Variants in DNMT1 observed in about 807,000 individuals in gnomAD.
DNMT1 encodes DNA methyltransferase 1.
Under a neutral mutation model 205.3 loss-of-function variants are expected in DNMT1, and 24 were observed. That is an observed-to-expected ratio of 0.12 (90% CI 0.08 to 0.16). DNMT1 has a LOEUF of 0.16. Among genes scored for constraint, DNMT1 ranks in the 10% least tolerant of loss-of-function variants. The pLI, the probability that DNMT1 is intolerant of heterozygous loss-of-function variation, is 1.00. For missense variants in DNMT1, 1,293 were observed against 2,177.7 expected (o/e 0.59, Z 8.09); for synonymous variants, 817 against 839.8 (o/e 0.97, Z 0.47).
At chr19:10,142,278 TA>T in intron 29 of DNMT1, 58 bp from the exon 30 acceptor site, 1 of 1,611,040 alleles carries the variant, frequency 6.2e-7, no homozygotes, top group Non-Finnish European at 8.5e-7. Flanking sequence ...TATGCTGAAT[TA>T]AACAGTACCA....
At chr19:10,134,126 C>G in intron 40 of DNMT1, 91 bp downstream of exon 40, 1 of 1,439,478 alleles carries the variant, frequency 6.9e-7, no homozygotes, top group African/African-American at 1.4e-5. Flanking sequence ...GCCTGAGTCC[C>G]AGAGCCCAAA....
chr19:10,187,285 T>C (rs565536373), intron 1 of DNMT1, among the ~76,000 whole-genome samples: 16 of 152,016 alleles, frequency 1.1e-4, no homozygotes, highest in Non-Finnish European at 2.1e-4. Context: ...CTAACACCTC[T>C]ACGCCAGAAA....
chr19:10,138,329 G>A lies in DNMT1; in HGVS notation c.4115+110C>T. ...TGGCAGAGCACCGTGTGGCAGGGCA[G>A]ATGCTGTACCATCCTCTCCTCCCCA... On this transcript the variant is annotated intron_variant, in intron 35 of 40. Coordinates refer to ENST00000359526, the MANE Select transcript of DNMT1 (RefSeq NM_001130823.3). The surrounding 1 kb of genome is among the most constrained non-coding windows in gnomAD (Gnocchi z 4.1). The A allele has an allele frequency of 1.3e-6, 2 of 1,539,902 alleles. No individual in the cohort carries two copies. Among genetic ancestry groups the A allele is most frequent in the Non-Finnish European group, 8.9e-7 (1 of 1,128,268 alleles).
At chr19:10,181,890 G>C (rs1275068870) in intron 2 of DNMT1, 151 bp downstream of exon 2, 2 of 674,966 alleles carry the variant, frequency 3.0e-6, no homozygotes, top group Non-Finnish European at 5.1e-6. Context: ...CAGCAAATTA[G>C]TGCTGACATT....
At chr19:10,173,015 C>G in intron 9 of DNMT1, 75 bp downstream of exon 9, 1 of 1,568,262 alleles carries the variant, frequency 6.4e-7, no homozygotes, top group Non-Finnish European at 8.8e-7. Context: ...CCCCCTGTCC[C>G]CACGTCCTGG....
At position 10,141,150 on chromosome 19, in the gene DNMT1, T is replaced by G; in HGVS notation, c.3349A>C (p.Asn1117His). The change falls in exon 31 of 41, where the codon AAC becomes CAC. Residue 1117 changes from asparagine (N) to histidine (H), a missense_variant. Coordinates refer to ENST00000359526, the MANE Select transcript of DNMT1 (RefSeq NM_001130823.3). ...TTGTTTCCAGGGCTACGGGCATGGT[T>G]GGGAGGATCTTCAAAGCTTTTGCTC... ...AKSKSFEDPP[N>H]HARSPGNKGK... 6.2e-7 allele frequency: 1 copy of G among 1,614,044 alleles called. No homozygotes were observed. The highest frequency in any genetic ancestry group is 8.5e-7 in the Non-Finnish European group (1 of 1,180,038).
chr19:10,189,704 C>T (rs2039263947), intron 1 of DNMT1, among the ~76,000 whole-genome samples: 1 of 152,062 alleles, frequency 6.6e-6, no homozygotes, highest in African/African-American at 2.4e-5. Flanking sequence ...CAGGCATGAG[C>T]CACTGCACAC....
At position 10,146,297 on chromosome 19, in the gene DNMT1, A is replaced by C. The variant is rs561684246; in HGVS notation, c.2894+54T>G. On this transcript the variant is annotated intron_variant, in intron 28 of 40. Coordinates refer to ENST00000359526, the MANE Select transcript of DNMT1 (RefSeq NM_001130823.3). This position sits in a 1 kb window ranked among gnomAD's most constrained non-coding sequence, Gnocchi z 4.4. ...GTAAGGAGGGGGACACCACAAAGCC[A>C]GCCTGGCTCAGCCTGGAGCGCCCTG... The C allele has an allele frequency of 2.9e-5, 46 of 1,604,162 alleles. No homozygotes were observed. The Middle Eastern group carries it at 5.6e-4, about 19-fold the overall frequency.
At position 10,166,682 on chromosome 19, in the gene DNMT1, T is replaced by C. The variant is rs777578400; in HGVS notation, c.807A>G (p.Thr269=). Reference sequence around the variant, plus strand: ...GCTCCTCCTTCAGTTTCTGTTTGGGTGTTCTGTCACAGAAGACAACACACA... The same window carrying C: ...GCTCCTCCTTCAGTTTCTGTTTGGGCGTTCTGTCACAGAAGACAACACACA... The part of the protein sequence containing the change: ...KRLRSQTKEP[T]PKQKLKEEPD... Residue 269 remains threonine (T), a synonymous_variant, in exon 11 of 41, where the codon ACA becomes ACG. Coordinates refer to ENST00000359526, the MANE Select transcript of DNMT1 (RefSeq NM_001130823.3). The C allele has an allele frequency of 4.3e-6, 7 of 1,614,030 alleles. No individual in the cohort carries two copies. Among genetic ancestry groups the C allele is most frequent in the Non-Finnish European group, 5.9e-6 (7 of 1,179,978 alleles).
intron 29 of DNMT1, among the ~76,000 whole-genome samples, chr19:10,142,557 T>C (rs2089621678): frequency 1.4e-5 from 2 of 146,942 alleles, no homozygotes; most frequent in South Asian, 4.3e-4. Flanking sequence ...AGATATCCCC[T>C]CCTCACATTA....
intron 5 of DNMT1, among the ~76,000 whole-genome samples, chr19:10,178,054 C>T (rs375204486): frequency 2.6e-5 from 4 of 151,020 alleles, no homozygotes; most frequent in Non-Finnish European, 4.4e-5. Flanking sequence ...GTCAAGAGAT[C>T]GAGACCATCC....
intron 34 of DNMT1, 39 bp downstream of exon 34, chr19:10,139,637 T>C (rs1159695166): frequency 8.1e-6 from 13 of 1,604,702 alleles, no homozygotes; most frequent in Non-Finnish European, 1.1e-5. Context: ...GGTCACGTGC[T>C]GGCCACATCT....
chr19:10,175,815 T>C (rs1599390654), intron 6 of DNMT1, among the ~76,000 whole-genome samples, 197 bp from the exon 7 acceptor site: 1 of 152,176 alleles, frequency 6.6e-6, no homozygotes, highest in East Asian at 1.9e-4. Flanking sequence ...CAACAGCTGC[T>C]AGTGTCAGAG....
chr19:10,158,109 G>C (rs746883465), intron 17 of DNMT1, among the ~76,000 whole-genome samples: 13 of 152,218 alleles, frequency 8.5e-5, no homozygotes, highest in Admixed American at 4.6e-4. Flanking sequence ...TCTCAACTTA[G>C]GGAGGAAGCT....
intron 13 of DNMT1, among the ~76,000 whole-genome samples, chr19:10,161,634 A>G (rs144184920): frequency 4.6e-4 from 70 of 152,282 alleles, no homozygotes; most frequent in Non-Finnish European, 8.8e-4. Flanking sequence ...CAAGAGTGAG[A>G]CCCTGTCTCA....
Position 10,133,535 on chromosome 19 carries a change from G to T in DNMT1, c.*132C>A. The T allele has an allele frequency of 9.8e-7, 1 of 1,023,194 alleles. No homozygotes were observed. Among genetic ancestry groups the T allele is most frequent in the Non-Finnish European group, 1.5e-6 (1 of 671,950 alleles). 63.4% of individuals were successfully genotyped at this position (1,023,194 alleles called of 1,614,324 possible). Reference sequence around the variant, plus strand: ...GTTGATAAGCGAACCTCACACAACAGCTTCATGTCAGCCAAGGCCACAAAC... The same window carrying T: ...GTTGATAAGCGAACCTCACACAACATCTTCATGTCAGCCAAGGCCACAAAC... On this transcript the variant is annotated 3_prime_UTR_variant, in exon 41 of 41. Coordinates refer to ENST00000359526, the MANE Select transcript of DNMT1 (RefSeq NM_001130823.3). The surrounding 1 kb of genome is among the most constrained non-coding windows in gnomAD (Gnocchi z 4.1).
At chr19:10,150,450 A>G (rs925667835) in intron 24 of DNMT1, among the ~76,000 whole-genome samples, 2 of 152,192 alleles carry the variant, frequency 1.3e-5, no homozygotes, top group South Asian at 4.1e-4. Context: ...ATCTCAGCCC[A>G]GGTGTCACCT....
At chr19:10,186,027 T>C (rs2039172708) in intron 1 of DNMT1, among the ~76,000 whole-genome samples, 1 of 151,976 alleles carries the variant, frequency 6.6e-6, no homozygotes, top group Non-Finnish European at 1.5e-5. Context: ...AGCGTTACAC[T>C]TGACTTCTCA....
intron 9 of DNMT1, among the ~76,000 whole-genome samples, chr19:10,168,903 T>C (rs2038747952): frequency 6.6e-6 from 1 of 152,230 alleles, no homozygotes; most frequent in Non-Finnish European, 1.5e-5. Context: ...AGTGGTGTAC[T>C]CTTGGCTCAC....
Sources: allele counts gnomAD v4.1 joint callset (sites outside exome capture counted in the v4.1 genomes callset), GRCh38; gene constraint gnomAD v4.1.1; non-coding constraint Gnocchi (gnomAD v3.1); transcripts MANE v1.5; gene names NCBI Gene and HGNC (gene_info 2026-07-23, HGNC 2026-07-21).